GRM8: variants seen among roughly 807,000 people sequenced by gnomAD.
GRM8 encodes the protein glutamate metabotropic receptor 8, also known as metabotropic glutamate receptor 8.
GRM8 carries 47 observed loss-of-function variants against 87.2 expected under a neutral mutation model. The ratio of observed to expected loss-of-function variants is 0.54; its 90% confidence interval spans 0.43 to 0.69. GRM8 has a LOEUF of 0.69. GRM8 is among the 30% of genes least tolerant of loss of function. GRM8 has a pLI of 0.00. For synonymous variants in GRM8, 396 were observed against 404.5 expected (o/e 0.98, Z 0.25); for missense variants, 1,019 against 1,139.2 (o/e 0.89, Z 1.52).
At chr7:127,054,725 G>A (rs1819818322) in intron 3 of GRM8, among the ~76,000 whole-genome samples, 1 of 152,134 alleles carries the variant, frequency 6.6e-6, no homozygotes, top group Admixed American at 6.5e-5. Context: ...CAATGGCTTA[G>A]ATAGAAAACA....
intron 3 of GRM8, among the ~76,000 whole-genome samples, chr7:126,940,525 A>G (rs893525949): frequency 6.6e-6 from 1 of 152,184 alleles, no homozygotes; most frequent in African/African-American, 2.4e-5. Context: ...AGGAGTATGT[A>G]GGTCCAACTC....
chr7:126,781,121 A>C (rs1437506581), intron 6 of GRM8, among the ~76,000 whole-genome samples: 2 of 152,212 alleles, frequency 1.3e-5, no homozygotes, highest in Admixed American at 1.3e-4. Context: ...TTAGATGGGC[A>C]ACAGTGTCTA....
intron 8 of GRM8, among the ~76,000 whole-genome samples, chr7:126,562,266 T>A (rs189176449): frequency 2.3e-4 from 35 of 152,292 alleles, no homozygotes; most frequent in Admixed American, 1.1e-3. Context: ...TAGATAAAGA[T>A]AAATCACAAA....
At chr7:126,758,252 G>A (rs1361998) in intron 7 of GRM8, among the ~76,000 whole-genome samples, 58,661 of 151,994 alleles carry the variant, frequency 0.39, 12,621 homozygotes, top group Non-Finnish European at 0.48. Flanking sequence ...TTTACACTGT[G>A]CCAGGCATCG....
intron 3 of GRM8, among the ~76,000 whole-genome samples, chr7:127,004,414 GAC>G (rs899989474): frequency 4.0e-5 from 6 of 151,338 alleles, no homozygotes; most frequent in African/African-American, 1.5e-4. Flanking sequence ...GCAGATAAAA[GAC>G]ACAGAAACAA....
At chr7:126,727,739 A>ACACACACACACACACC (rs1410017859) in intron 7 of GRM8, among the ~76,000 whole-genome samples, 6 of 145,616 alleles carry the variant, frequency 4.1e-5, no homozygotes, top group Middle Eastern at 3.5e-3. Flanking sequence ...ACACACACAC[A>ACACACACACACACACC]CCCCTAAAAA....
chr7:126,590,890 A>C (rs1199692607), intron 8 of GRM8, among the ~76,000 whole-genome samples: 1 of 152,210 alleles, frequency 6.6e-6, no homozygotes, highest in Non-Finnish European at 1.5e-5. Context: ...TCTTGAAACA[A>C]ATCCTTGAAA....
At chr7:127,230,343 T>C (rs774611266) in intron 2 of GRM8, among the ~76,000 whole-genome samples, 1 of 152,092 alleles carries the variant, frequency 6.6e-6, no homozygotes, top group Non-Finnish European at 1.5e-5. Flanking sequence ...AGAGATGCTG[T>C]GAGAGGGAAA....
intron 2 of GRM8, among the ~76,000 whole-genome samples, chr7:127,158,456 G>A (rs952075899): frequency 3.3e-5 from 5 of 152,164 alleles, no homozygotes; most frequent in Middle Eastern, 3.2e-3. Flanking sequence ...CATTACTGCC[G>A]CTATAATAAA....
chr7:126,572,814 A>AAAGCAACC (rs1447864467), intron 8 of GRM8, among the ~76,000 whole-genome samples: 1 of 152,180 alleles, frequency 6.6e-6, no homozygotes, highest in Admixed American at 6.5e-5. Flanking sequence ...GGTAAACTAA[A>AAAGCAACC]AAGCAACCAG....
At chr7:126,539,050 T>G (rs1343753450) in intron 8 of GRM8, among the ~76,000 whole-genome samples, 1 of 151,974 alleles carries the variant, frequency 6.6e-6, no homozygotes, top group African/African-American at 2.4e-5. Flanking sequence ...TTGAAAAATC[T>G]AATATGCTTG....
At chr7:127,057,492 T>C (rs1820116101) in intron 3 of GRM8, among the ~76,000 whole-genome samples, 1 of 152,190 alleles carries the variant, frequency 6.6e-6, no homozygotes, top group African/African-American at 2.4e-5. Flanking sequence ...TCCTCATCAT[T>C]TTAAAGATGG....
At position 127,242,794 on chromosome 7, in the gene GRM8, A is replaced by G. The variant is rs764050587; in HGVS notation, c.411T>C (p.Asp137=). Residue 137 remains aspartate (D), a synonymous_variant, in exon 2 of 11, where the codon GAT becomes GAC. Coordinates refer to ENST00000339582, the MANE Select transcript of GRM8 (RefSeq NM_000845.3). ...DASDVKCANG[D]PPIFTKPDKI... ...TGTCGGGCTTGGTGAAAATGGGTGG[A>G]TCTCCATTAGCACACTTCACATCCG... The G allele has an allele frequency of 6.2e-7, 1 of 1,614,000 alleles. No individual in the cohort carries two copies. The highest frequency in any genetic ancestry group is 8.5e-7 in the Non-Finnish European group (1 of 1,179,860).
chr7:126,546,490 T>C (rs953269531), intron 8 of GRM8, among the ~76,000 whole-genome samples: 3 of 152,124 alleles, frequency 2.0e-5, no homozygotes, highest in African/African-American at 7.2e-5. Flanking sequence ...GCATTTAAAA[T>C]AATCGTCCAA....
chr7:127,157,549 G>A (rs1295947476), intron 2 of GRM8, among the ~76,000 whole-genome samples: 1 of 151,912 alleles, frequency 6.6e-6, no homozygotes, highest in East Asian at 1.9e-4. Flanking sequence ...ATAGTAATAG[G>A]TGTTCTCCCT....
intron 7 of GRM8, among the ~76,000 whole-genome samples, chr7:126,725,283 G>T (rs980728150): frequency 6.6e-6 from 1 of 152,134 alleles, no homozygotes; most frequent in Non-Finnish European, 1.5e-5. Context: ...TCAACCCAAG[G>T]CATCCCTCTT....
At chr7:126,632,589 T>C (rs1801448518) in intron 7 of GRM8, among the ~76,000 whole-genome samples, 1 of 152,134 alleles carries the variant, frequency 6.6e-6, no homozygotes, top group South Asian at 2.1e-4. Context: ...ACACATATGT[T>C]CACTGCAACA....
chr7:126,518,401 G>A (rs1812487007), intron 9 of GRM8, among the ~76,000 whole-genome samples: 1 of 151,984 alleles, frequency 6.6e-6, no homozygotes, highest in Admixed American at 6.6e-5. Flanking sequence ...TATACTGAGA[G>A]GTATCTGCTG....
At chr7:126,819,492 G>T (rs374678140) in intron 6 of GRM8, among the ~76,000 whole-genome samples, 2 of 152,060 alleles carry the variant, frequency 1.3e-5, no homozygotes, top group East Asian at 3.9e-4. Flanking sequence ...TCGTGTCTTA[G>T]TCTTCATCAT....
Sources: gnomAD v4.1 joint callset for allele counts (sites outside exome capture counted in the v4.1 genomes callset) on GRCh38, gnomAD v4.1.1 for gene constraint, MANE v1.5 for transcripts, NCBI Gene and HGNC (gene_info 2026-07-23, HGNC 2026-07-21) for gene names.